CNBD1: variants seen among roughly 807,000 people sequenced by gnomAD.
CNBD1 encodes the protein cyclic nucleotide binding domain containing 1.
A neutral mutation model predicts 54.4 loss-of-function variants in CNBD1; 71 were observed. The ratio of observed to expected loss-of-function variants is 1.30; its 90% CI spans 1.08 to 1.59. The LOEUF is 1.59. Ranked by LOEUF, CNBD1 falls within the 40% of genes most tolerant of loss-of-function variation. The pLI is 0.00. For missense variants in CNBD1, 659 were observed against 518.0 expected (o/e 1.27, Z -2.64); for synonymous variants, 182 against 170.7 (o/e 1.07, Z -0.51).
intron 4 of CNBD1, among the ~76,000 whole-genome samples, chr8:86,996,208 T>C (rs1808867050): frequency 6.6e-6 from 1 of 152,188 alleles, no homozygotes; most frequent in Non-Finnish European, 1.5e-5. Flanking sequence ...ATCTCTTCCG[T>C]TGACTGTGAT....
chr8:87,363,254 A>G (rs1415603630), intron 10 of CNBD1, among the ~76,000 whole-genome samples: 1 of 150,472 alleles, frequency 6.6e-6, no homozygotes. Flanking sequence ...CAGTCTATCA[A>G]TTGGGTTGGT....
intron 6 of CNBD1, among the ~76,000 whole-genome samples, chr8:87,249,671 C>A (rs1807874607): frequency 6.6e-6 from 1 of 152,136 alleles, no homozygotes; most frequent in African/African-American, 2.4e-5. Flanking sequence ...GTGCACTTTG[C>A]AGCCTAATTC....
chr8:87,423,899 C>G (rs146052934), intron 2 of CNBD1, among the ~76,000 whole-genome samples: 2,843 of 152,320 alleles, frequency 0.019, 91 homozygotes, highest in African/African-American at 0.065. Context: ...GTGAAGCCAT[C>G]TAGTCCTGGA....
At chr8:87,372,138 A>T (rs1436558077) in intron 10 of CNBD1, among the ~76,000 whole-genome samples, 2 of 152,110 alleles carry the variant, frequency 1.3e-5, no homozygotes, top group Admixed American at 1.3e-4. Context: ...ACTTCAGCCA[A>T]GTCTCAGGAT....
chr8:86,977,142 T>G (rs1808361642), intron 4 of CNBD1, among the ~76,000 whole-genome samples: 1 of 152,080 alleles, frequency 6.6e-6, no homozygotes, highest in Non-Finnish European at 1.5e-5. Flanking sequence ...CCCTTGAGAA[T>G]AATATTAGCT....
At chr8:87,201,600 C>T (rs539400038) in intron 4 of CNBD1, among the ~76,000 whole-genome samples, 21 of 151,728 alleles carry the variant, frequency 1.4e-4, no homozygotes, top group Admixed American at 4.6e-4. Flanking sequence ...AAATGAAATG[C>T]GGAAAACAAA....
At chr8:86,891,804 C>T (rs1455661653) in intron 2 of CNBD1, among the ~76,000 whole-genome samples, 2 of 151,898 alleles carry the variant, frequency 1.3e-5, no homozygotes, top group Non-Finnish European at 2.9e-5. Flanking sequence ...TAAATTCACA[C>T]CTAAGTAATC....
intron 8 of CNBD1, among the ~76,000 whole-genome samples, chr8:87,300,218 T>A (rs1346509949): frequency 6.6e-6 from 1 of 152,188 alleles, no homozygotes; most frequent in Non-Finnish European, 1.5e-5. Context: ...TTGATTTTAT[T>A]AATGTTATTC....
At chr8:86,953,431 A>C (rs536629058) in intron 4 of CNBD1, among the ~76,000 whole-genome samples, 1 of 152,220 alleles carries the variant, frequency 6.6e-6, no homozygotes, top group Non-Finnish European at 1.5e-5. Context: ...GTGATTTACA[A>C]TGACCTAACA....
intron 4 of CNBD1, among the ~76,000 whole-genome samples, chr8:87,199,710 C>A (rs1205467195): frequency 6.6e-6 from 1 of 152,108 alleles, no homozygotes. Flanking sequence ...TCACAAGATT[C>A]CCCTCATTTT....
At chr8:87,400,277 C>G (rs999198380) in intron 2 of CNBD1, among the ~76,000 whole-genome samples, 1 of 151,874 alleles carries the variant, frequency 6.6e-6, no homozygotes, top group Non-Finnish European at 1.5e-5. Flanking sequence ...TTGCACCAAA[C>G]TAATAATTTC....
At chr8:87,248,095 T>G (rs1807844003) in intron 6 of CNBD1, among the ~76,000 whole-genome samples, 1 of 152,164 alleles carries the variant, frequency 6.6e-6, no homozygotes, top group East Asian at 1.9e-4. Flanking sequence ...GCCAAAAAAT[T>G]GCCCATAACA....
chr8:86,901,779 T>C (rs1440302238), intron 2 of CNBD1, among the ~76,000 whole-genome samples: 1 of 152,136 alleles, frequency 6.6e-6, no homozygotes, highest in African/African-American at 2.4e-5. Context: ...AGGATCTTTT[T>C]TGGCACATCC....
At chr8:87,276,002 C>T (rs1013086664) in intron 6 of CNBD1, among the ~76,000 whole-genome samples, 9 of 151,878 alleles carry the variant, frequency 5.9e-5, no homozygotes, top group African/African-American at 1.7e-4. Flanking sequence ...CCTAGGAATC[C>T]ACCTTACAAG....
intron 10 of CNBD1, among the ~76,000 whole-genome samples, chr8:87,369,354 G>T (rs924160669): frequency 3.3e-5 from 5 of 151,882 alleles, no homozygotes; most frequent in South Asian, 2.1e-4. Flanking sequence ...AAGAGTTCCA[G>T]TGTATATTTA....
chr8:87,084,299 C>G (rs1811056301), intron 4 of CNBD1, among the ~76,000 whole-genome samples: 1 of 152,114 alleles, frequency 6.6e-6, no homozygotes, highest in African/African-American at 2.4e-5. Flanking sequence ...TATTTAGATT[C>G]AGTTTCTGTC....
chr8:87,055,944 T>A (rs995380324), intron 4 of CNBD1, among the ~76,000 whole-genome samples: 1 of 123,540 alleles, frequency 8.1e-6, no homozygotes, highest in African/African-American at 3.1e-5. Context: ...CCTTCCTTCC[T>A]TCCAAAAACT....
intron 4 of CNBD1, among the ~76,000 whole-genome samples, chr8:87,027,767 A>G (rs1485969972): frequency 1.3e-5 from 2 of 152,244 alleles, no homozygotes; most frequent in Non-Finnish European, 2.9e-5. Context: ...TCCAAAGAAT[A>G]TTGGGGCCAA....
At chr8:87,113,254 G>A (rs1811700679) in intron 4 of CNBD1, among the ~76,000 whole-genome samples, 2 of 152,264 alleles carry the variant, frequency 1.3e-5, no homozygotes, top group South Asian at 2.1e-4. Context: ...CATTAAGAGG[G>A]ATTGGATGGG....
Sources: allele counts gnomAD v4.1 joint callset (sites outside exome capture counted in the v4.1 genomes callset), GRCh38; gene constraint gnomAD v4.1.1; transcripts MANE v1.5; gene names NCBI Gene and HGNC (gene_info 2026-07-23, HGNC 2026-07-21).